DYNC1H1: variants seen among roughly 807,000 people sequenced by gnomAD.
The protein encoded by DYNC1H1 is cytoplasmic dynein 1 heavy chain 1.
Under a neutral mutation model 527.1 loss-of-function variants are expected in DYNC1H1, and 51 were observed. The observed-to-expected ratio is 0.10, with a 90% CI of 0.08 to 0.12. DYNC1H1 has a LOEUF of 0.12. Ranked by LOEUF, DYNC1H1 falls within the 10% of genes least tolerant of loss-of-function variation. The pLI, the probability that DYNC1H1 is intolerant of heterozygous loss-of-function variation, is 1.00. For synonymous variants in DYNC1H1, 2,189 were observed against 2,278.8 expected, an observed-to-expected ratio of 0.96 and a Z score of 1.12; for missense variants, 2,771 against 5,971.8, an observed-to-expected ratio of 0.46 and a Z score of 17.66.
Position 102,026,687 on chromosome 14 carries a change from C to G in DYNC1H1, c.8751C>G (p.Asp2917Glu), listed in dbSNP as rs2152588718. Residue 2917 changes from aspartate to glutamate, a missense_variant, in exon 44 of 78, where the codon GAC (aspartate) becomes GAG (glutamate). By Grantham distance (45) the Asp-to-Glu change is conservative. Around this residue, in one of 32 missense-constraint regions of DYNC1H1, gnomAD observed 84 missense variants for 285.4 expected, o/e 0.29. Coordinates refer to ENST00000360184, the MANE Select transcript of DYNC1H1 (RefSeq NM_001376.5). ...VPLVLFNEVL[D>E]HVLRIDRIFR... ...TGGTGCTGTTTAATGAAGTCCTAGA[C>G]CACGTGCTGAGGATTGACAGGTGGG... The G allele has an allele frequency of 1.9e-6, 3 of 1,614,106 alleles. No individual in the cohort carries two copies. Among genetic ancestry groups the G allele is most frequent in the Non-Finnish European group, 2.5e-6 (3 of 1,180,022 alleles).
chr14:102,034,286 G>T, intron 55 of DYNC1H1, 39 bp from the exon 56 acceptor site: 1 of 1,614,220 alleles, frequency 6.2e-7, no homozygotes, highest in Middle Eastern at 1.6e-4. Flanking sequence ...CCCATCTGTG[G>T]CTGTGAAGAG....
chr14:102,049,042 G>A lies in DYNC1H1; in HGVS notation c.13372+373G>A, dbSNP rs17512968. 21 of 423,282 alleles carry A rather than the reference G, an allele frequency of 5.0e-5. No homozygotes were observed. Among genetic ancestry groups the A allele is most frequent in the African/African-American group, 8.1e-5 (4 of 49,580 alleles). The allele number at this position is 423,282 out of a possible 1,614,324, so 26.2% of individuals were successfully genotyped here. On this transcript the variant is annotated intron_variant, in intron 74 of 77. Transcript: ENST00000360184. The surrounding 1 kb of genome is among the most constrained non-coding windows in gnomAD (Gnocchi z 5.5). ...GGACAGTGGAAAAGCAGGGGCAGGC[G>A]GGCATGGGGGGCTCATCCAAAGTTG...
At chr14:101,990,323 AT>A (rs2047982236) in intron 10 of DYNC1H1, among the ~76,000 whole-genome samples, 1 of 152,156 alleles carries the variant, frequency 6.6e-6, no homozygotes, top group Admixed American at 6.5e-5. Flanking sequence ...CAAGGTCGTT[AT>A]ATTGAGACAT....
At chr14:102,046,970 T>C (rs2048728315) in intron 72 of DYNC1H1, among the ~76,000 whole-genome samples, 1 of 152,080 alleles carries the variant, frequency 6.6e-6, no homozygotes, top group African/African-American at 2.4e-5. Flanking sequence ...CCTTTCTAAT[T>C]TTTTGTAGAG....
Position 102,010,689 on chromosome 14 carries a change from G to A in DYNC1H1, c.6406-51G>A, listed in dbSNP as rs755385709. 1.2e-6 allele frequency: 2 copies of A among 1,605,658 alleles called. No homozygotes were observed. Among genetic ancestry groups the A allele is most frequent in the East Asian group, 4.5e-5 (2 of 44,846 alleles). Reference sequence around the variant, plus strand: ...CACGCACCTCCTGGGGATGCAGCGGGCAGTACTTGAGCCATGCTGCGCTGC... The same window carrying A: ...CACGCACCTCCTGGGGATGCAGCGGACAGTACTTGAGCCATGCTGCGCTGC... On this transcript the variant is annotated intron_variant, in intron 31 of 77. Transcript: ENST00000360184. This position sits in a 1 kb window ranked among gnomAD's most constrained non-coding sequence, Gnocchi z 6.0.
intron 43 of DYNC1H1, 138 bp downstream of exon 43, chr14:102,023,018 T>G (rs769871842): frequency 3.4e-5 from 47 of 1,366,032 alleles, no homozygotes; most frequent in Admixed American, 6.0e-5. Context: ...ATCCCAGCAC[T>G]TTGGGAGGCT....
Position 102,042,102 on chromosome 14 carries a change from G to T in DYNC1H1, c.12192G>T (p.Thr4064=), listed in dbSNP as rs114906811. ...AGGACCTTGCAGCCGAGCAGAACAC[G>T]CAGATCACTTCAATTGCAATCGGTA... is the stretch of plus-strand genomic sequence containing the variant. ...HVEDLAAEQN[T]QITSIAIGSA... is the part of the protein sequence containing the mutation. Residue 4064 remains threonine (T), a synonymous_variant, in exon 66 of 78, where the codon ACG becomes ACT. Transcript: ENST00000360184. The surrounding 1 kb of genome is among the most constrained non-coding windows in gnomAD (Gnocchi z 5.7). 1,095 of 1,614,080 alleles carry T rather than the reference G, an allele frequency of 6.8e-4. 6 individuals carry two copies. The African/African-American group carries it at 0.012, about 17-fold the overall frequency.
In DYNC1H1 at chr14:102,009,913, C is replaced by T; in HGVS notation, c.6048C>T (p.Ile2016=). 1 of 1,614,112 alleles carries T rather than the reference C, an allele frequency of 6.2e-7. No individual in the cohort carries two copies. Among genetic ancestry groups the T allele is most frequent in the Non-Finnish European group, 8.5e-7 (1 of 1,180,024 alleles). ...VKVSPDMAIF[I]TMNPGYAGRS... Reference sequence around the variant, plus strand: ...TGAGCCCGGACATGGCCATCTTCATCACCATGAACCCTGGCTACGCGGGCC... The same window carrying T: ...TGAGCCCGGACATGGCCATCTTCATTACCATGAACCCTGGCTACGCGGGCC... Residue 2016 remains isoleucine (I), a synonymous_variant, in exon 30 of 78, where the codon ATC becomes ATT. Coordinates refer to ENST00000360184, the MANE Select transcript of DYNC1H1 (RefSeq NM_001376.5).
Position 102,015,287 on chromosome 14 carries a change from G to A in DYNC1H1, c.7197G>A (p.Lys2399=). 1 of 1,614,186 alleles carries A rather than the reference G, an allele frequency of 6.2e-7. No individual in the cohort carries two copies. Among genetic ancestry groups the A allele is most frequent in the Non-Finnish European group, 8.5e-7 (1 of 1,180,026 alleles). Residue 2399 remains lysine (K), a synonymous_variant, in exon 35 of 78, where the codon AAG becomes AAA. Coordinates refer to ENST00000360184, the MANE Select transcript of DYNC1H1 (RefSeq NM_001376.5). This position sits in a 1 kb window ranked among gnomAD's most constrained non-coding sequence, Gnocchi z 6.9. ...AGGATGAGGCACAGCGGCGGCGTAA[G>A]GGCAAAGAGGATGAGGGGGAGGAGG... ...EGEDEAQRRR[K]GKEDEGEEAA... is the part of the protein sequence containing the mutation.
At position 101,985,305 on chromosome 14, in the gene DYNC1H1, C is replaced by T. The variant is rs577217202; in HGVS notation, c.1462-382C>T. ...AATTTCTTTATATATATTTTTTTCT[C>T]TTCTGAATTTATCTTTCATTCTTCT... On this transcript the variant is annotated intron_variant, in intron 7 of 77. Coordinates refer to ENST00000360184, the MANE Select transcript of DYNC1H1 (RefSeq NM_001376.5). The surrounding 1 kb of genome is among the most constrained non-coding windows in gnomAD (Gnocchi z 5.9). Among the ~76,000 whole-genome samples, 7 of 151,822 alleles carry T rather than the reference C, an allele frequency of 4.6e-5. No individual in the cohort carries two copies. The highest frequency in any genetic ancestry group is 1.0e-4 in the Non-Finnish European group (7 of 67,984).
chr14:102,002,191 A>G lies in DYNC1H1; in HGVS notation c.4543-346A>G, dbSNP rs1595609582. 6.6e-6 allele frequency among the ~76,000 whole-genome samples: 1 copy of G among 150,904 alleles called. No homozygotes were observed. Among genetic ancestry groups the G allele is most frequent in the Non-Finnish European group, 1.5e-5 (1 of 67,734 alleles). ...AATGGCACGATCTCGGCTCACTGCA[A>G]CCTCTGCCTCCCGGGTTGAAGTGAT... On this transcript the variant is annotated intron_variant, in intron 21 of 77. Transcript: ENST00000360184. The surrounding 1 kb of genome is among the most constrained non-coding windows in gnomAD (Gnocchi z 4.4).
In DYNC1H1 at chr14:102,002,850, G is replaced by C. The variant is rs200700087; in HGVS notation, c.4768G>C (p.Asp1590His). Residue 1590 changes from aspartate to histidine, a missense_variant, in exon 23 of 78, where the codon GAT becomes CAT. Transcript: ENST00000360184. The surrounding 1 kb of genome is among the most constrained non-coding windows in gnomAD (Gnocchi z 4.4). ...AGTGTCCAAGTCTCCCCTTGTTATG[G>C]ATGTTCTGAACATCCAGGGAGTACA... is the stretch of plus-strand genomic sequence containing the variant. ...KKVSKSPLVM[D>H]VLNIQGVQRS... 1.2e-6 allele frequency: 2 copies of C among 1,614,254 alleles called. No individual in the cohort carries two copies. Among genetic ancestry groups the C allele is most frequent in the Non-Finnish European group, 1.7e-6 (2 of 1,180,044 alleles).
chr14:102,031,468 C>G (rs2048509680), intron 51 of DYNC1H1, among the ~76,000 whole-genome samples: 1 of 152,084 alleles, frequency 6.6e-6, no homozygotes, highest in Non-Finnish European at 1.5e-5. Context: ...CTGCTGGGCT[C>G]AAGCGATCCA....
At position 102,041,763 on chromosome 14, in the gene DYNC1H1, C is replaced by G. The variant is rs774660812; in HGVS notation, c.12102+29C>G. The G allele has an allele frequency of 1.2e-6, 2 of 1,613,462 alleles. No homozygotes were observed. The highest frequency in any genetic ancestry group is 8.5e-7 in the Non-Finnish European group (1 of 1,180,040). On this transcript the variant is annotated intron_variant, in intron 65 of 77. Transcript: ENST00000360184. The surrounding 1 kb of genome is among the most constrained non-coding windows in gnomAD (Gnocchi z 4.5). ...ATGTCCTGGTACAGCCCGGGCTTCC[C>G]ACGAGACTCCATGCCCACCTCCCCA...
intron 8 of DYNC1H1, 150 bp from the exon 9 acceptor site, chr14:101,987,303 G>A: frequency 1.1e-6 from 1 of 876,160 alleles, no homozygotes; most frequent in South Asian, 1.5e-5. Flanking sequence ...GGGGATTAGT[G>A]TTCTCACCCC....
intron 9 of DYNC1H1, 106 bp downstream of exon 9, chr14:101,987,738 T>C (rs765864454): frequency 1.5e-6 from 2 of 1,321,522 alleles, no homozygotes; most frequent in Non-Finnish European, 2.1e-6. Context: ...AAATTATCTG[T>C]GATAGTTCAA....
chr14:101,964,860 G>A lies in DYNC1H1; in HGVS notation c.169G>A (p.Glu57Lys). Residue 57 changes from glutamate (E) to lysine (K), a missense_variant, in exon 1 of 78, where the codon GAG becomes AAG. By Grantham distance (56) the Glu-to-Lys change is moderately conservative. Around this residue, in one of 32 missense-constraint regions of DYNC1H1, gnomAD observed 101 missense variants for 105.3 expected, o/e 0.96. Transcript: ENST00000360184. This position sits in a 1 kb window ranked among gnomAD's most constrained non-coding sequence, Gnocchi z 5.5. ...GCCGGCCGCGCTGGAGGCGGCGCTG[G>A]AGGAGAAGAGCGCCCTGGAGCAGAT... ...EAPAALEAAL[E>K]EKSALEQMRK... 6.3e-7 allele frequency: 1 copy of A among 1,598,182 alleles called. No individual in the cohort carries two copies. The highest frequency in any genetic ancestry group is 8.5e-7 in the Non-Finnish European group (1 of 1,173,280).
At chr14:101,967,982 C>G (rs975057568) in intron 1 of DYNC1H1, among the ~76,000 whole-genome samples, 1 of 152,208 alleles carries the variant, frequency 6.6e-6, no homozygotes, top group Non-Finnish European at 1.5e-5. Context: ...AGTTCCTGGC[C>G]TGTAGGAAAT....
At chr14:101,987,373 T>G in intron 8 of DYNC1H1, 80 bp from the exon 9 acceptor site, 1 of 1,429,844 alleles carries the variant, frequency 7.0e-7, no homozygotes, top group Non-Finnish European at 9.6e-7. Context: ...CAATGTATAA[T>G]ATTTGAGAAG....
Sources: gnomAD v4.1 joint callset for allele counts (sites outside exome capture counted in the v4.1 genomes callset) on GRCh38, gnomAD v4.1.1 for gene constraint, gnomAD v4.1.1 regional missense constraint, Gnocchi (gnomAD v3.1) non-coding constraint, MANE v1.5 for transcripts, NCBI Gene and HGNC (gene_info 2026-07-23, HGNC 2026-07-21) for gene names.